The following PHF21A variants were observed in gnomAD, a reference collection of about 807,000 sequenced individuals.
The protein encoded by PHF21A is PHD finger protein 21A, also known as BHC80a.
In PHF21A, 11 loss-of-function variants were observed where a neutral mutation model predicts 82.5. The ratio of observed to expected loss-of-function variants is 0.13; its 90% CI spans 0.08 to 0.22. PHF21A has a LOEUF of 0.22. Ranked by LOEUF, PHF21A falls within the 10% of genes least tolerant of loss-of-function variation. The pLI is 1.00. For synonymous variants in PHF21A, 297 were observed against 302.8 expected, an observed-to-expected ratio of 0.98 and a Z score of 0.20; for missense variants, 579 against 837.8, an observed-to-expected ratio of 0.69 and a Z score of 3.81.
chr11:45,971,415 T>C, intron 7 of PHF21A, 48 bp from the exon 8 acceptor site: 1 of 1,518,344 alleles, frequency 6.6e-7, no homozygotes, highest in Non-Finnish European at 9.0e-7. Context: ...CTAAACTAAA[T>C]AATAAACTAA....
chr11:45,964,534 T>C (rs897453542), intron 10 of PHF21A, among the ~76,000 whole-genome samples: 1 of 152,192 alleles, frequency 6.6e-6, no homozygotes, highest in African/African-American at 2.4e-5. Context: ...AAGTCAAGAC[T>C]GAACAATTAG....
intron 3 of PHF21A, 127 bp from the exon 4 acceptor site, chr11:46,084,429 T>A (rs987856031): frequency 4.7e-6 from 2 of 424,568 alleles, no homozygotes; most frequent in Non-Finnish European, 8.1e-6. Context: ...CCCAAAGAGA[T>A]TTTTTTTCCC....
intron 6 of PHF21A, among the ~76,000 whole-genome samples, chr11:45,991,312 T>C (rs762221161): frequency 6.6e-6 from 1 of 152,232 alleles, no homozygotes; most frequent in Non-Finnish European, 1.5e-5. Flanking sequence ...TAGTGAATTC[T>C]ATAACTGTTA....
chr11:45,955,114 A>T (rs2092525535), intron 10 of PHF21A, among the ~76,000 whole-genome samples: 1 of 152,118 alleles, frequency 6.6e-6, no homozygotes, highest in South Asian at 2.1e-4. Flanking sequence ...TTCCCCCTTT[A>T]TACTAAACGC....
rs1287269612 is a variant in PHF21A at position 45,930,963 on chromosome 11, C to T, written c.*3005G>A. ...CAGTGAAGGACAGGGAGATTGGGTGCCAGGGGCCTCTTCTTTACAGTAAAG... is the reference window on the plus strand; with the variant it reads ...CAGTGAAGGACAGGGAGATTGGGTGTCAGGGGCCTCTTCTTTACAGTAAAG... On this transcript the variant is annotated 3_prime_UTR_variant, in exon 19 of 19. Coordinates refer to ENST00000676320, the MANE Select transcript of PHF21A (RefSeq NM_001352027.3). 1.5e-5 allele frequency: 2 copies of T among 129,934 alleles called. No homozygotes were observed. Among genetic ancestry groups the T allele is most frequent in the African/African-American group, 2.8e-5 (1 of 35,358 alleles). The allele number at this position is 129,934 out of a possible 1,614,324, so 8.0% of individuals were successfully genotyped here. A position where few individuals can be genotyped will look rare whatever the true frequency, so the allele number is the denominator to read the frequency against.
At chr11:45,941,054 C>T (rs967733901) in intron 15 of PHF21A, among the ~76,000 whole-genome samples, 1 of 152,138 alleles carries the variant, frequency 6.6e-6, no homozygotes, top group African/African-American at 2.4e-5. Flanking sequence ...TCCCAGAGAG[C>T]TTTTATATGA....
At chr11:45,968,316 G>C (rs1049305231) in intron 9 of PHF21A, among the ~76,000 whole-genome samples, 1 of 152,182 alleles carries the variant, frequency 6.6e-6, no homozygotes, top group Non-Finnish European at 1.5e-5. Context: ...CTGCTCCTAG[G>C]ATAAGGCCCA....
intron 7 of PHF21A, among the ~76,000 whole-genome samples, chr11:45,974,253 T>C (rs180743572): frequency 2.2e-4 from 33 of 152,254 alleles, no homozygotes; most frequent in African/African-American, 7.7e-4. Context: ...TCTTTACCCC[T>C]ACTCTGGTGC....
chr11:45,966,041 C>G lies in PHF21A; in HGVS notation c.703-433G>C, dbSNP rs150235608. On this transcript the variant is annotated intron_variant, in intron 9 of 18. Coordinates refer to ENST00000676320, the MANE Select transcript of PHF21A (RefSeq NM_001352027.3). ...GTTCTTGGCCACTCCTCCTCTCAGT[C>G]TCCTTTGTGGGCTTACTCTTCCTCT... Among the ~76,000 whole-genome samples, 176 of 152,286 alleles carry G rather than the reference C, an allele frequency of 1.2e-3. No homozygotes were observed. The East Asian group carries it at 0.026, about 22-fold the overall frequency.
At chr11:45,971,454 T>C in intron 7 of PHF21A, 87 bp from the exon 8 acceptor site, 3 of 1,229,302 alleles carry the variant, frequency 2.4e-6, no homozygotes, top group Non-Finnish European at 3.4e-6. Context: ...CTGCTTAACC[T>C]TGGAAGAAAA....
chr11:46,114,579 A>G (rs950076599), intron 1 of PHF21A, among the ~76,000 whole-genome samples: 3 of 152,212 alleles, frequency 2.0e-5, no homozygotes, highest in African/African-American at 4.8e-5. Flanking sequence ...CATACTGTCC[A>G]TAAGGCCAGA....
intron 9 of PHF21A, among the ~76,000 whole-genome samples, chr11:45,968,677 C>A (rs1002414226): frequency 6.6e-6 from 1 of 152,010 alleles, no homozygotes; most frequent in Non-Finnish European, 1.5e-5. Context: ...GCCTGTAAAC[C>A]CAGCACTTTG....
At chr11:46,079,304 C>T in intron 4 of PHF21A, 138 bp from the exon 5 acceptor site, 4 of 542,658 alleles carry the variant, frequency 7.4e-6, no homozygotes, top group Non-Finnish European at 1.0e-5. Context: ...AGACTAAAAC[C>T]TTCTGTGATC....
intron 1 of PHF21A, among the ~76,000 whole-genome samples, chr11:46,108,197 T>C (rs73455987): frequency 0.034 from 5,138 of 152,250 alleles, 243 homozygotes; most frequent in African/African-American, 0.1. Flanking sequence ...TTAAATGTTA[T>C]TTGAAAACAC....
chr11:46,030,237 T>C (rs2095837743), intron 6 of PHF21A, among the ~76,000 whole-genome samples: 1 of 152,206 alleles, frequency 6.6e-6, no homozygotes, highest in African/African-American at 2.4e-5. Context: ...CAAGGTACAT[T>C]TTTAGTTTCT....
chr11:45,977,749 T>C (rs773431870), intron 7 of PHF21A, among the ~76,000 whole-genome samples: 20 of 152,316 alleles, frequency 1.3e-4, no homozygotes, highest in Admixed American at 3.9e-4. Context: ...ATGTAGGCTG[T>C]CCTAGCTATC....
At chr11:45,955,775 A>T (rs2092589062) in intron 10 of PHF21A, among the ~76,000 whole-genome samples, 1 of 152,230 alleles carries the variant, frequency 6.6e-6, no homozygotes, top group African/African-American at 2.4e-5. Flanking sequence ...CTCTGGGGGA[A>T]GCCAGCTGCC....
chr11:45,934,751 A>G (rs2088434867), intron 18 of PHF21A: 3 of 333,486 alleles, frequency 9.0e-6, no homozygotes. Context: ...CGAAGCCCCA[A>G]GGACAAAGGC....
chr11:46,077,462 A>C (rs961478972), intron 5 of PHF21A, among the ~76,000 whole-genome samples: 7 of 152,236 alleles, frequency 4.6e-5, no homozygotes, highest in African/African-American at 1.7e-4. Context: ...AAGTAGGCAA[A>C]AAATTCCAAA....
Sources: allele counts gnomAD v4.1 joint callset (sites outside exome capture counted in the v4.1 genomes callset), GRCh38; gene constraint gnomAD v4.1.1; transcripts MANE v1.5; gene names NCBI Gene and HGNC (gene_info 2026-07-23, HGNC 2026-07-21).